MCPH1: variants seen among roughly 807,000 people sequenced by gnomAD.
MCPH1 encodes microcephalin.
MCPH1 carries 104 observed loss-of-function variants against 84.5 expected under a neutral mutation model. That is an observed-to-expected ratio of 1.23 (90% CI 1.05 to 1.45). The LOEUF is 1.45. Among genes scored for constraint, MCPH1 ranks in the 40% most tolerant of loss-of-function variants. The pLI is 0.00. For synonymous variants in MCPH1, 514 were observed against 366.8 expected (o/e 1.40, Z -4.58); for missense variants, 1,498 against 1,005.7 (o/e 1.49, Z -6.62).
At chr8:6,412,755 G>A (rs925805865) in intron 2 of MCPH1, among the ~76,000 whole-genome samples, 9 of 152,168 alleles carry the variant, frequency 5.9e-5, no homozygotes, top group Non-Finnish European at 8.8e-5. Flanking sequence ...TCTTAATCTA[G>A]AATCTCAGCC....
At chr8:6,501,652 G>C (rs947050163) in intron 12 of MCPH1, 2 of 149,306 alleles carry the variant, frequency 1.3e-5, no homozygotes, top group African/African-American at 5.0e-5. Flanking sequence ...CCTCCCTGGT[G>C]CAAGCAATTC....
Position 6,499,366 on chromosome 8 carries a change from G to A in MCPH1, c.2137-486G>A, listed in dbSNP as rs570902584. On this transcript the variant is annotated intron_variant, in intron 11 of 13. Transcript: ENST00000344683. ...TCCAAAGTCTGGGAAGGAATTTCAA[G>A]TGTATTCTGGGGACTTCTGAAAATA... Among the ~76,000 whole-genome samples, 9 of 152,236 alleles carry A rather than the reference G, an allele frequency of 5.9e-5. No homozygotes were observed. In the South Asian group the frequency reaches 1.5e-3, roughly 25 times the overall value.
At chr8:6,432,425 A>T (rs1297671882) in intron 4 of MCPH1, among the ~76,000 whole-genome samples, 1 of 152,186 alleles carries the variant, frequency 6.6e-6, no homozygotes, top group Non-Finnish European at 1.5e-5. Flanking sequence ...ATAGATCTGG[A>T]ACTTGCAGAT....
In MCPH1 at chr8:6,644,483, G is replaced by T. The variant is rs754334889; in HGVS notation, c.*1434G>T. 1.3e-5 allele frequency: 2 copies of T among 152,088 alleles called. No individual in the cohort carries two copies. 9.4% of individuals were successfully genotyped at this position (152,088 alleles called of 1,614,324 possible). ...CAAAAGGCTCCTGGAACCGATAAAT[G>T]ACTTAAGTAAAGTTTCAGGATAGTA... On this transcript the variant is annotated 3_prime_UTR_variant, in exon 14 of 14. Transcript: ENST00000344683.
At chr8:6,420,862 C>T (rs1413922545) in intron 3 of MCPH1, among the ~76,000 whole-genome samples, 2 of 152,132 alleles carry the variant, frequency 1.3e-5, no homozygotes, top group Non-Finnish European at 2.9e-5. Context: ...AGAAAGAATT[C>T]CACGGAGGAG....
At chr8:6,538,576 C>T (rs528392439) in intron 12 of MCPH1, among the ~76,000 whole-genome samples, 39 of 152,320 alleles carry the variant, frequency 2.6e-4, no homozygotes, top group African/African-American at 8.7e-4. Flanking sequence ...AGCTGCCCAG[C>T]GGCCTCATAC....
chr8:6,643,014 G>A lies in MCPH1; in HGVS notation c.2473G>A (p.Val825Ile), dbSNP rs564787570. 1 of 1,614,098 alleles carries A rather than the reference G, an allele frequency of 6.2e-7. No individual in the cohort carries two copies. Among genetic ancestry groups the A allele is most frequent in the Admixed American group, 1.7e-5 (1 of 60,016 alleles). ...WVLDSITQHK[V>I]CAPENYLLSQ Reference sequence around the variant, plus strand: ...TCTAGATTCCATCACCCAGCACAAGGTCTGTGCCCCTGAAAACTACCTATT... The same window carrying A: ...TCTAGATTCCATCACCCAGCACAAGATCTGTGCCCCTGAAAACTACCTATT... Residue 825 changes from valine to isoleucine, a missense_variant, in exon 14 of 14, where the codon GTC becomes ATC. Physicochemically the swap from Val to Ile is conservative, Grantham distance 29. Transcript: ENST00000344683.
intron 3 of MCPH1, among the ~76,000 whole-genome samples, chr8:6,423,480 A>G (rs1216335907): frequency 6.6e-6 from 1 of 152,186 alleles, no homozygotes; most frequent in Non-Finnish European, 1.5e-5. Context: ...ACTTTAGTCA[A>G]CTTTTTATTA....
In MCPH1 at chr8:6,442,047, T is replaced by C. The variant is rs753578908; in HGVS notation, c.581-20T>C. The C allele has an allele frequency of 3.2e-6, 5 of 1,561,980 alleles. No homozygotes were observed. Among genetic ancestry groups the C allele is most frequent in the Non-Finnish European group, 3.5e-6 (4 of 1,132,848 alleles). ...AATACTGAAACTTTATCTAATGCAG[T>C]GTCTTGGTCCTGTTTTTAGCTTCCC... On this transcript the variant is annotated intron_variant, in intron 6 of 13. Coordinates refer to ENST00000344683, the MANE Select transcript of MCPH1 (RefSeq NM_024596.5).
intron 12 of MCPH1, among the ~76,000 whole-genome samples, chr8:6,600,505 CA>C (rs1829276319): frequency 6.6e-6 from 1 of 152,252 alleles, no homozygotes; most frequent in African/African-American, 2.4e-5. Flanking sequence ...CTTGGCGGCA[CA>C]TCTCCAGCTT....
intron 12 of MCPH1, among the ~76,000 whole-genome samples, chr8:6,512,226 A>C (rs769755579): frequency 5.9e-5 from 9 of 152,224 alleles, no homozygotes; most frequent in Non-Finnish European, 1.3e-4. Context: ...ACAGCAGGAC[A>C]TACTGGGCAT....
At chr8:6,600,285 C>A (rs537632825) in intron 12 of MCPH1, among the ~76,000 whole-genome samples, 1 of 152,356 alleles carries the variant, frequency 6.6e-6, no homozygotes, top group Admixed American at 6.5e-5. Context: ...CAGGGGAGTG[C>A]AAGGGAGAGA....
intron 12 of MCPH1, among the ~76,000 whole-genome samples, chr8:6,597,216 G>A (rs1356238915): frequency 6.6e-6 from 1 of 152,174 alleles, no homozygotes; most frequent in Non-Finnish European, 1.5e-5. Context: ...AGTCCTGTGT[G>A]GGGTCTGGCT....
chr8:6,590,317 C>T lies in MCPH1; in HGVS notation c.2215-31137C>T, dbSNP rs80035736. Among the ~76,000 whole-genome samples, 452 of 152,130 alleles carry T rather than the reference C, an allele frequency of 3.0e-3. 3 individuals carry two copies. The highest frequency in any genetic ancestry group is 0.01 in the African/African-American group (432 of 41,506). ...GAGTGGAGGGAATGTCCTAAATGTGCGTTGGCCCATCATCACCTCATGCAT... is the reference window on the plus strand; with the variant it reads ...GAGTGGAGGGAATGTCCTAAATGTGTGTTGGCCCATCATCACCTCATGCAT... On this transcript the variant is annotated intron_variant, in intron 12 of 13. Coordinates refer to ENST00000344683, the MANE Select transcript of MCPH1 (RefSeq NM_024596.5).
At chr8:6,539,459 C>G (rs1723898831) in intron 12 of MCPH1, among the ~76,000 whole-genome samples, 1 of 152,174 alleles carries the variant, frequency 6.6e-6, no homozygotes, top group African/African-American at 2.4e-5. Context: ...ATTGTGACTT[C>G]TCTTAGGGAG....
At chr8:6,637,091 C>T (rs548567973) in intron 13 of MCPH1, among the ~76,000 whole-genome samples, 3 of 152,234 alleles carry the variant, frequency 2.0e-5, no homozygotes, top group Non-Finnish European at 4.4e-5. Flanking sequence ...CACATGGTAT[C>T]AGGTCATTCA....
intron 12 of MCPH1, among the ~76,000 whole-genome samples, chr8:6,570,429 A>G (rs967086341): frequency 1.3e-5 from 2 of 152,118 alleles, no homozygotes; most frequent in East Asian, 3.8e-4. Flanking sequence ...TCTTTGCCAT[A>G]TGTGTTTTCA....
rs1563306207 is a variant in MCPH1, at chr8:6,505,334, G to GT, written c.2214+5405_2214+5406insT. Among the ~76,000 whole-genome samples, 82 of 30,700 alleles carry GT rather than the reference G, an allele frequency of 2.7e-3. 2 individuals carry two copies. The highest frequency in any genetic ancestry group is 0.015 in the Admixed American group (48 of 3,184). 20.1% of individuals were successfully genotyped at this position (30,700 alleles called of 152,430 possible). A position where few individuals can be genotyped will look rare whatever the true frequency, so the allele number is the denominator to read the frequency against. ...AACATATATATGTTATATACATATA[G>GT]AAAGAATATATATATTCTTTCTATA... On this transcript the variant is annotated intron_variant, in intron 12 of 13. Coordinates refer to ENST00000344683, the MANE Select transcript of MCPH1 (RefSeq NM_024596.5).
chr8:6,412,797 T>A (rs1044097337), intron 2 of MCPH1, among the ~76,000 whole-genome samples: 6 of 152,170 alleles, frequency 3.9e-5, no homozygotes, highest in African/African-American at 1.4e-4. Context: ...ATAGCTCCCA[T>A]GGACTTGATG....
Sources: gnomAD v4.1 joint callset for allele counts (sites outside exome capture counted in the v4.1 genomes callset) on GRCh38, gnomAD v4.1.1 for gene constraint, MANE v1.5 for transcripts, NCBI Gene and HGNC (gene_info 2026-07-23, HGNC 2026-07-21) for gene names.